RCAN2: variants seen among roughly 807,000 people sequenced by gnomAD.
RCAN2 encodes regulator of calcineurin 2.
RCAN2 carries 9 observed loss-of-function variants against 23.6 expected under a neutral mutation model. That is an observed-to-expected ratio of 0.38 (90% CI 0.23 to 0.67). The LOEUF (loss-of-function observed/expected upper bound fraction) is 0.67. RCAN2 is among the 30% of genes least tolerant of loss of function. The pLI is 0.51. For missense variants in RCAN2, 273 were observed against 302.3 expected, an observed-to-expected ratio of 0.90 and a Z score of 0.72; for synonymous variants, 109 against 115.7, an observed-to-expected ratio of 0.94 and a Z score of 0.37.
chr6:46,269,316 C>G (rs1430660336), intron 2 of RCAN2, among the ~76,000 whole-genome samples: 1 of 152,196 alleles, frequency 6.6e-6, no homozygotes, highest in Non-Finnish European at 1.5e-5. Flanking sequence ...GTCCATTCAA[C>G]TCTTCTGCTA....
intron 2 of RCAN2, among the ~76,000 whole-genome samples, chr6:46,347,290 G>T (rs922248066): frequency 2.6e-5 from 4 of 152,182 alleles, no homozygotes; most frequent in African/African-American, 9.7e-5. Flanking sequence ...TTTATAGATA[G>T]GGAAATGGAG....
At chr6:46,390,386 T>A (rs1435345729) in intron 2 of RCAN2, among the ~76,000 whole-genome samples, 1 of 152,206 alleles carries the variant, frequency 6.6e-6, no homozygotes, top group Admixed American at 6.5e-5. Context: ...TCTCACTGCA[T>A]TTGTGGTCTC....
chr6:46,376,834 A>C (rs1490926928), intron 2 of RCAN2, among the ~76,000 whole-genome samples: 1 of 152,080 alleles, frequency 6.6e-6, no homozygotes, highest in Non-Finnish European at 1.5e-5. Flanking sequence ...ACAGAGGCAA[A>C]GTTTTGTTTC....
chr6:46,487,034 T>G (rs1438740590), intron 1 of RCAN2, among the ~76,000 whole-genome samples: 2 of 152,234 alleles, frequency 1.3e-5, no homozygotes, highest in Non-Finnish European at 2.9e-5. Context: ...GTGAACACTT[T>G]ACAGGCAGAG....
chr6:46,464,412 T>C (rs929873226), intron 1 of RCAN2, among the ~76,000 whole-genome samples: 3 of 152,208 alleles, frequency 2.0e-5, no homozygotes, highest in Non-Finnish European at 4.4e-5. Context: ...ATTTTTGGTC[T>C]GGCTTTAGAA....
chr6:46,336,239 C>G (rs962694346), intron 2 of RCAN2, among the ~76,000 whole-genome samples: 1 of 152,178 alleles, frequency 6.6e-6, no homozygotes, highest in Non-Finnish European at 1.5e-5. Context: ...TGGTTGAAAT[C>G]TGTAAGTAGC....
intron 2 of RCAN2, among the ~76,000 whole-genome samples, chr6:46,258,436 G>T (rs965489763): frequency 6.6e-6 from 1 of 152,176 alleles, no homozygotes; most frequent in African/African-American, 2.4e-5. Flanking sequence ...GTGAAAAGAG[G>T]AACTGCAATC....
At chr6:46,315,666 T>C (rs764626813) in intron 2 of RCAN2, among the ~76,000 whole-genome samples, 17 of 152,230 alleles carry the variant, frequency 1.1e-4, no homozygotes, top group Non-Finnish European at 1.9e-4. Flanking sequence ...CTGAGTGTGA[T>C]AGGAGCCACG....
At position 46,297,590 on chromosome 6, in the gene RCAN2, A is replaced by G. The variant is rs142424144; in HGVS notation, c.226-48694T>C. The stretch of plus-strand genomic sequence containing the variant: ...TTTCCCACAAGTAGAGGCACAGAAC[A>G]CATATTTTCTTCAGATTCCATGAAG... On this transcript the variant is annotated intron_variant, in intron 2 of 4. Coordinates refer to ENST00000371374, the MANE Select transcript of RCAN2 (RefSeq NM_001251974.2). Among the ~76,000 whole-genome samples the G allele has an allele frequency of 5.5e-3, 835 of 152,226 alleles. 5 individuals are homozygous for G. The highest frequency in any genetic ancestry group is 0.019 in the African/African-American group (770 of 41,564).
At chr6:46,271,716 T>C (rs1268727165) in intron 2 of RCAN2, among the ~76,000 whole-genome samples, 1 of 152,242 alleles carries the variant, frequency 6.6e-6, no homozygotes, top group Non-Finnish European at 1.5e-5. Context: ...TTTCTTTCTC[T>C]TTTTTCTTGC....
At chr6:46,342,910 A>G (rs4481428) in intron 2 of RCAN2, among the ~76,000 whole-genome samples, 63,975 of 151,836 alleles carry the variant, frequency 0.42, 14,917 homozygotes, top group East Asian at 0.6. Context: ...GGAAAAAGAG[A>G]TCTGTGGGAC....
At chr6:46,286,852 A>C (rs1263906530) in intron 2 of RCAN2, among the ~76,000 whole-genome samples, 1 of 151,944 alleles carries the variant, frequency 6.6e-6, no homozygotes, top group Non-Finnish European at 1.5e-5. Context: ...AAAATACAAA[A>C]AAGTTAGCTG....
At chr6:46,223,660 G>A (rs1264956222) in intron 4 of RCAN2, among the ~76,000 whole-genome samples, 1 of 152,210 alleles carries the variant, frequency 6.6e-6, no homozygotes, top group Admixed American at 6.5e-5. Flanking sequence ...TTTGCTGCTA[G>A]TTTTTGAGCA....
chr6:46,283,873 A>G (rs1032100534), intron 2 of RCAN2, among the ~76,000 whole-genome samples: 1 of 152,224 alleles, frequency 6.6e-6, no homozygotes, highest in Non-Finnish European at 1.5e-5. Flanking sequence ...TCGTGGTAGA[A>G]GTAGTAGAAT....
intron 2 of RCAN2, among the ~76,000 whole-genome samples, chr6:46,420,988 G>A (rs1766873372): frequency 6.6e-6 from 1 of 152,174 alleles, no homozygotes; most frequent in African/African-American, 2.4e-5. Flanking sequence ...GTCATCCCTG[G>A]TTACAGGAGC....
chr6:46,474,348 G>C (rs1768652520), intron 1 of RCAN2, among the ~76,000 whole-genome samples: 1 of 152,000 alleles, frequency 6.6e-6, no homozygotes, highest in Admixed American at 6.5e-5. Context: ...CGGTGGGGAG[G>C]CAGGGGGAAG....
chr6:46,238,471 A>T (rs1223495705), intron 4 of RCAN2, among the ~76,000 whole-genome samples: 1 of 152,196 alleles, frequency 6.6e-6, no homozygotes, highest in East Asian at 1.9e-4. Context: ...AATGTACTGC[A>T]ATGTGTAGGA....
intron 1 of RCAN2, among the ~76,000 whole-genome samples, chr6:46,481,224 G>T (rs372848831): frequency 2.6e-5 from 4 of 152,020 alleles, no homozygotes; most frequent in African/African-American, 9.7e-5. Flanking sequence ...CTAAAGATGG[G>T]GATTATGTCT....
chr6:46,272,083 A>T lies in RCAN2; in HGVS notation c.226-23187T>A, dbSNP rs1478135016. Among the ~76,000 whole-genome samples the T allele has an allele frequency of 2.0e-5, 3 of 152,204 alleles. No individual in the cohort carries two copies. In the South Asian group the frequency reaches 6.2e-4, roughly 32 times the overall value. ...GAAGTTAAGAACCTTGCCAAAAGCC[A>T]CTCAGCTAGTGACAGTATAGCTGGG... On this transcript the variant is annotated intron_variant, in intron 2 of 4. Coordinates refer to ENST00000371374, the MANE Select transcript of RCAN2 (RefSeq NM_001251974.2).
Sources: allele counts gnomAD v4.1 joint callset (sites outside exome capture counted in the v4.1 genomes callset), GRCh38; gene constraint gnomAD v4.1.1; transcripts MANE v1.5; gene names NCBI Gene and HGNC (gene_info 2026-07-23, HGNC 2026-07-21).